SCRIB: variants seen among roughly 807,000 people sequenced by gnomAD.
SCRIB encodes the protein protein scribble homolog.
A neutral mutation model predicts 170.0 loss-of-function variants in SCRIB; 72 were observed. That is an observed-to-expected ratio of 0.42 (90% CI 0.35 to 0.52). The LOEUF is 0.52. Ranked by LOEUF, SCRIB falls within the 20% of genes least tolerant of loss-of-function variation. The pLI, the probability that SCRIB is intolerant of heterozygous loss-of-function variation, is 0.02. For missense variants in SCRIB, 2,475 were observed against 2,338.5 expected, an observed-to-expected ratio of 1.06 and a Z score of -1.20; for synonymous variants, 1,298 against 1,044.3, an observed-to-expected ratio of 1.24 and a Z score of -4.68.
chr8:143,795,278 G>A lies in SCRIB; in HGVS notation c.3770C>T (p.Ala1257Val), dbSNP rs1372878285. ...LHWGPEATEA[A>V]GRGLQPLKLD... is the part of the protein sequence containing the mutation. ...AGGGGGTGGGGCGACCACACTCACT[G>A]CGGCTTCTGTGGCCTCGGGCCCCCA... is the stretch of plus-strand genomic sequence containing the variant. The change falls in exon 26 of 37, where the codon GCA (alanine) becomes GTA (valine). Residue 1257 changes from alanine (A) to valine (V), a missense_variant and splice_region_variant. Coordinates refer to ENST00000356994, the MANE Select transcript of SCRIB (RefSeq NM_182706.5). The A allele has an allele frequency of 1.2e-6, 2 of 1,612,514 alleles. No individual in the cohort carries two copies. Among genetic ancestry groups the A allele is most frequent in the African/African-American group, 2.7e-5 (2 of 74,924 alleles).
At position 143,814,006 on chromosome 8, in the gene SCRIB, C is replaced by T. The variant is rs753674425; in HGVS notation, c.272G>A (p.Arg91Gln). The change falls in exon 2 of 37, where the codon CGG becomes CAG. Residue 91 changes from arginine to glutamine, a missense_variant. Physicochemically the swap from Arg to Gln is conservative, Grantham distance 43. Coordinates refer to ENST00000356994, the MANE Select transcript of SCRIB (RefSeq NM_182706.5). ...CCCCTGCCCAGGCTCCCCACCGTTC[C>T]GGGACACGTCCAGCTCCACCAGCTG... is the stretch of plus-strand genomic sequence containing the variant. ...FMQLVELDVS[R>Q]NDIPEIPESI... is the part of the protein sequence containing the mutation. The T allele has an allele frequency of 2.7e-5, 43 of 1,570,322 alleles. No homozygotes were observed. Among genetic ancestry groups the T allele is most frequent in the Middle Eastern group, 3.3e-4 (2 of 6,026 alleles).
chr8:143,814,157 A>G lies in SCRIB; in HGVS notation c.160-39T>C, dbSNP rs745449674. The G allele has an allele frequency of 6.1e-6, 9 of 1,485,744 alleles. 1 individual carries two copies. In the South Asian group the frequency reaches 1.1e-4, roughly 18 times the overall value. The allele number at this position is 1,485,744 out of a possible 1,614,324, so 92.0% of individuals were successfully genotyped here. A position where few individuals can be genotyped will look rare whatever the true frequency, so the allele number is the denominator to read the frequency against. ...GGACACGGACTCTGTGGCAGAGACC[A>G]CTGCAGAGCAGAGAAGAGCTCCTGG... On this transcript the variant is annotated intron_variant, in intron 1 of 36. Transcript: ENST00000356994.
chr8:143,807,638 CATGCA>C, intron 15 of SCRIB, 24 bp from the exon 16 acceptor site: 1 of 1,606,654 alleles, frequency 6.2e-7, no homozygotes, highest in Non-Finnish European at 8.5e-7. Context: ...ACCAGTGAGG[CATGCA>C]GGTTAGCCAC....
In SCRIB at chr8:143,812,815, A is replaced by G. The variant is rs1273174388; in HGVS notation, c.787+2T>C. 1 of 1,598,104 alleles carries G rather than the reference A, an allele frequency of 6.3e-7. No homozygotes were observed. The highest frequency in any genetic ancestry group is 1.1e-5 in the South Asian group (1 of 91,000). On this transcript the variant is annotated splice_donor_variant, in intron 8 of 36. Transcript: ENST00000356994. LOFTEE classifies it high-confidence loss of function. ...CACCCAGGCACCCCCAGGCACACTA[A>G]CCGATGCCGTCGGGCAGCCTCCGCA...
chr8:143,791,119 C>G lies in SCRIB; in HGVS notation c.*44G>C. ...ACTTGGGGCAAGGGTGGTGCTGGAG[C>G]TGGCAGGGCCCCCACCCCAAGTCTG... On this transcript the variant is annotated 3_prime_UTR_variant, in exon 37 of 37. Transcript: ENST00000356994. 2.9e-6 allele frequency: 4 copies of G among 1,383,316 alleles called. No homozygotes were observed. The highest frequency in any genetic ancestry group is 3.7e-6 in the Non-Finnish European group (4 of 1,069,076). The allele number at this position is 1,383,316 out of a possible 1,614,324, so 85.7% of individuals were successfully genotyped here. A position where few individuals can be genotyped will look rare whatever the true frequency, so the allele number is the denominator to read the frequency against.
At chr8:143,802,673 G>A (rs1405325368) in intron 24 of SCRIB, among the ~76,000 whole-genome samples, 1 of 152,272 alleles carries the variant, frequency 6.6e-6, no homozygotes, top group Non-Finnish European at 1.5e-5. Context: ...GCTGAGGCCT[G>A]CTGCAGGGCC....
At chr8:143,807,420 C>T in intron 16 of SCRIB, 132 bp downstream of exon 16, 6 of 808,250 alleles carry the variant, frequency 7.4e-6, no homozygotes, top group Non-Finnish European at 1.3e-5. Flanking sequence ...ATCCTGGAGC[C>T]CAGCTGGATC....
At position 143,809,563 on chromosome 8, in the gene SCRIB, C is replaced by T. The variant is rs769878300; in HGVS notation, c.1686G>A (p.Glu562=). The change falls in exon 14 of 37, where the codon GAG becomes GAA. Residue 562 remains glutamate (E), a synonymous_variant. Coordinates refer to ENST00000356994, the MANE Select transcript of SCRIB (RefSeq NM_182706.5). ...TGCCAATCCACACCTCCTGGTAGTC[C>T]TCTTCGGCGTCTTCCTCCCCGCCAG... ...TTAGGEEDAE[E]DYQEPTVHFA... is the part of the protein sequence containing the mutation. 2 of 1,611,102 alleles carry T rather than the reference C, an allele frequency of 1.2e-6. No individual in the cohort carries two copies. The highest frequency in any genetic ancestry group is 1.7e-6 in the Non-Finnish European group (2 of 1,179,548).
At position 143,804,738 on chromosome 8, in the gene SCRIB, C is replaced by G; in HGVS notation, c.2839G>C (p.Glu947Gln). The G allele has an allele frequency of 6.2e-7, 1 of 1,600,040 alleles. No homozygotes were observed. Among genetic ancestry groups the G allele is most frequent in the Non-Finnish European group, 8.5e-7 (1 of 1,173,794 alleles). Residue 947 changes from glutamate (E) to glutamine (Q), a missense_variant, in exon 21 of 37, where the codon GAG becomes CAG. Glu to Gln is a conservative substitution (Grantham distance 29). This residue lies in a region of SCRIB where 1,966 missense variants were observed against 1,742.9 expected (regional missense o/e 1.13). Transcript: ENST00000356994. ...AASPTIALLL[E>Q]REAGGPLPPS... is the part of the protein sequence containing the mutation. Reference sequence around the variant, plus strand: ...GGAAGAGGGCCCCCAGCCTCCCGCTCCAACAGCAGGGCGATGGTGGGGGAG... The same window carrying G: ...GGAAGAGGGCCCCCAGCCTCCCGCTGCAACAGCAGGGCGATGGTGGGGGAG...
intron 14 of SCRIB, 126 bp from the exon 15 acceptor site, chr8:143,809,151 A>G (rs930013361): frequency 8.6e-6 from 11 of 1,282,062 alleles, no homozygotes; most frequent in Non-Finnish European, 1.1e-5. Flanking sequence ...ACTCAGCACT[A>G]ACTGCCCAGT....
intron 21 of SCRIB, 30 bp from the exon 22 acceptor site, chr8:143,804,186 C>A: frequency 6.5e-7 from 1 of 1,526,912 alleles, no homozygotes. Context: ...CAAGGACAGG[C>A]CTCGGTCAGG....
chr8:143,792,905 T>A, intron 29 of SCRIB, 38 bp from the exon 30 acceptor site: 1 of 1,498,890 alleles, frequency 6.7e-7, no homozygotes, highest in East Asian at 2.3e-5. Context: ...CTGGCATTCC[T>A]CCGAGATACT....
In SCRIB at chr8:143,815,673, G is replaced by A. The variant is rs1816064463; in HGVS notation, c.-301C>T. On this transcript the variant is annotated 5_prime_UTR_variant, in exon 1 of 37. Coordinates refer to ENST00000356994, the MANE Select transcript of SCRIB (RefSeq NM_182706.5). ...TGGTCCTGCTCAGCTCGTCCCGCCC[G>A]CTCGTCCGCCCGCTGTGCCGCACCG... 5 of 983,256 alleles carry A rather than the reference G, an allele frequency of 5.1e-6. No homozygotes were observed. Among genetic ancestry groups the A allele is most frequent in the Non-Finnish European group, 6.0e-6 (5 of 829,046 alleles). 60.9% of individuals were successfully genotyped at this position (983,256 alleles called of 1,614,324 possible). A position where few individuals can be genotyped will look rare whatever the true frequency, so the allele number is the denominator to read the frequency against.
At chr8:143,810,644 G>A in intron 12 of SCRIB, 40 bp from the exon 13 acceptor site, 5 of 1,605,030 alleles carry the variant, frequency 3.1e-6, no homozygotes, top group South Asian at 2.2e-5. Context: ...CACAGGGCAG[G>A]GGTCAGGCAG....
At position 143,813,232 on chromosome 8, in the gene SCRIB, G is replaced by C; in HGVS notation, c.567+79C>G. The stretch of plus-strand genomic sequence containing the variant: ...CCTCCCGAGGTGCCCCTTGCTGTCG[G>C]ATCTGCTCGCTGTCCCCTTCTTTGC... On this transcript the variant is annotated intron_variant, in intron 6 of 36. Coordinates refer to ENST00000356994, the MANE Select transcript of SCRIB (RefSeq NM_182706.5). The C allele has an allele frequency of 5.0e-6, 8 of 1,597,770 alleles. 1 individual carries two copies. In the African/African-American group the frequency reaches 8.0e-5, roughly 16 times the overall value.
rs771321607 is a variant in SCRIB, at chr8:143,810,759, C to T, written c.1331G>A (p.Arg444His). The change falls in exon 12 of 37, where the codon CGC becomes CAC. Residue 444 changes from arginine to histidine, a missense_variant. Transcript: ENST00000356994. The part of the protein sequence containing the change: ...SETWSDAPPS[R>H]VSVIQFLEAP... Reference sequence around the variant, plus strand: ...CTCCAGGAACTGGATGACGCTGACGCGGCTCGGCGGGGCATCGCTCCAGGT... The same window carrying T: ...CTCCAGGAACTGGATGACGCTGACGTGGCTCGGCGGGGCATCGCTCCAGGT... The T allele has an allele frequency of 2.9e-5, 47 of 1,607,730 alleles. 3 individuals are homozygous for T. The South Asian group carries it at 4.5e-4, about 15-fold the overall frequency.
In SCRIB at chr8:143,806,446, C is replaced by G. The variant is rs782570618; in HGVS notation, c.2307G>C (p.Ala769=). ...CACCCACACGGACTCCAGCCCGGGC[C>G]GCAGGGCCTTCCTCGGACACCCGAG... is the stretch of plus-strand genomic sequence containing the variant. ...FISRVSEEGP[A]ARAGVRVGDK... is the part of the protein sequence containing the mutation. The change falls in exon 18 of 37, where the codon GCG becomes GCC. Residue 769 remains alanine (A), a synonymous_variant. Transcript: ENST00000356994. 1 of 1,606,210 alleles carries G rather than the reference C, an allele frequency of 6.2e-7. No homozygotes were observed. The highest frequency in any genetic ancestry group is 1.3e-5 in the African/African-American group (1 of 74,752).
intron 8 of SCRIB, 117 bp downstream of exon 8, chr8:143,812,700 C>G: frequency 7.3e-7 from 1 of 1,371,216 alleles, no homozygotes; most frequent in Non-Finnish European, 9.9e-7. Flanking sequence ...GCTCCCAGAG[C>G]CTGGGCACAC....
chr8:143,807,127 G>A, intron 16 of SCRIB, 114 bp from the exon 17 acceptor site: 1 of 762,596 alleles, frequency 1.3e-6, no homozygotes, highest in Non-Finnish European at 2.2e-6. Context: ...CTAGGCAGCT[G>A]AATGGGGCCT....
Sources: allele counts gnomAD v4.1 joint callset (sites outside exome capture counted in the v4.1 genomes callset), GRCh38; gene constraint gnomAD v4.1.1; regional missense constraint gnomAD v4.1.1; transcripts MANE v1.5; gene names NCBI Gene and HGNC (gene_info 2026-07-23, HGNC 2026-07-21).